The following GLRB variants were observed in gnomAD, a reference collection of about 807,000 sequenced individuals.
GLRB encodes glycine receptor beta, also known as glycine receptor subunit beta.
Under a neutral mutation model 54.2 loss-of-function variants are expected in GLRB, and 33 were observed. That is an observed-to-expected ratio of 0.61 (90% CI 0.46 to 0.81). GLRB has a LOEUF of 0.81. Among genes scored for constraint, GLRB ranks in the 40% least tolerant of loss-of-function variants. The probability of loss-of-function intolerance (pLI) is 0.00; values close to 1 mark genes in which losing one functional copy is unlikely to be tolerated. For synonymous variants in GLRB, 209 were observed against 208.2 expected (o/e 1.00, Z -0.03); for missense variants, 572 against 584.6 (o/e 0.98, Z 0.22).
chr4:157,088,644 A>C lies in GLRB; in HGVS notation c.122+10498A>C, dbSNP rs527774230. Among the ~76,000 whole-genome samples, 232 of 152,238 alleles carry C rather than the reference A, an allele frequency of 1.5e-3. 1 individual carries two copies. Among genetic ancestry groups the C allele is most frequent in the African/African-American group, 5.3e-3 (220 of 41,554 alleles). On this transcript the variant is annotated intron_variant, in intron 2 of 9. Coordinates refer to ENST00000264428, the MANE Select transcript of GLRB (RefSeq NM_000824.5). The stretch of plus-strand genomic sequence containing the variant: ...TCGGTCTTTCTTGATTTTCATTCTA[A>C]AGCTACCTGAGGCATCATCCTTCCT...
intron 2 of GLRB, among the ~76,000 whole-genome samples, chr4:157,079,284 A>C (rs538510066): frequency 1.3e-5 from 2 of 152,180 alleles, no homozygotes; most frequent in Admixed American, 1.3e-4. Flanking sequence ...ATCATAGATA[A>C]CATTTTATTC....
At position 157,091,688 on chromosome 4, in the gene GLRB, G is replaced by A. The variant is rs546678156; in HGVS notation, c.122+13542G>A. The stretch of plus-strand genomic sequence containing the variant: ...ATAGTGTCAACGTGAGTGATGCTCA[G>A]TGTATATCCAATCACTTACTTCGTT... On this transcript the variant is annotated intron_variant, in intron 2 of 9. Transcript: ENST00000264428. 4.6e-5 allele frequency among the ~76,000 whole-genome samples: 7 copies of A among 152,260 alleles called. No individual in the cohort carries two copies. The South Asian group carries it at 1.5e-3, about 32-fold the overall frequency.
At chr4:157,168,824 AAATATAACATC>A (rs1238723872) in intron 9 of GLRB, among the ~76,000 whole-genome samples, 1 of 152,164 alleles carries the variant, frequency 6.6e-6, no homozygotes, top group African/African-American at 2.4e-5. Context: ...CTAGCTTAAG[AAATATAACATC>A]AATATATGCT....
At chr4:157,123,836 A>C (rs1735920190) in intron 4 of GLRB, among the ~76,000 whole-genome samples, 1 of 151,736 alleles carries the variant, frequency 6.6e-6, no homozygotes, top group South Asian at 2.1e-4. Context: ...CACAGCTATG[A>C]AGATATTGCG....
chr4:157,135,511 G>GT (rs1473592865), intron 4 of GLRB, among the ~76,000 whole-genome samples: 3 of 152,006 alleles, frequency 2.0e-5, no homozygotes, highest in Non-Finnish European at 4.4e-5. Flanking sequence ...AGATCTCATG[G>GT]TTTTATAAAG....
intron 8 of GLRB, among the ~76,000 whole-genome samples, chr4:157,150,946 T>C (rs922668275): frequency 6.6e-6 from 1 of 152,098 alleles, no homozygotes; most frequent in South Asian, 2.1e-4. Flanking sequence ...TTAAGTATTC[T>C]TTTGATAATG....
intron 8 of GLRB, among the ~76,000 whole-genome samples, chr4:157,146,144 A>G (rs7673979): frequency 0.052 from 7,838 of 151,514 alleles, 326 homozygotes; most frequent in African/African-American, 0.12. Flanking sequence ...AGCCTCCCGA[A>G]TAGCTGGGAT....
chr4:157,109,777 A>C (rs1368001924), intron 2 of GLRB, among the ~76,000 whole-genome samples: 1 of 152,006 alleles, frequency 6.6e-6, no homozygotes, highest in African/African-American at 2.4e-5. Flanking sequence ...AGCTCAGGAA[A>C]ACACTTCACT....
chr4:157,120,189 C>T (rs1735756286), intron 2 of GLRB, among the ~76,000 whole-genome samples: 1 of 127,224 alleles, frequency 7.9e-6, no homozygotes, highest in Admixed American at 1.1e-4. Context: ...ACAATGAGAA[C>T]ATATGGACAC....
chr4:157,130,550 A>G (rs1736176803), intron 4 of GLRB, among the ~76,000 whole-genome samples: 2 of 151,636 alleles, frequency 1.3e-5, no homozygotes, highest in Non-Finnish European at 3.0e-5. Flanking sequence ...AGGTTCATGC[A>G]TGCTGTAACA....
chr4:157,168,440 C>T (rs770223267), intron 9 of GLRB, among the ~76,000 whole-genome samples: 184 of 152,138 alleles, frequency 1.2e-3, no homozygotes, highest in Non-Finnish European at 1.9e-3. Flanking sequence ...ACTTCTGTCA[C>T]TTCTGAAAAT....
intron 2 of GLRB, among the ~76,000 whole-genome samples, chr4:157,101,797 G>GTTTTT (rs77992858): frequency 2.6e-5 from 1 of 38,002 alleles, no homozygotes; most frequent in Non-Finnish European, 5.3e-5. Flanking sequence ...AGTCAAACTT[G>GTTTTT]TTTTTTTTTT....
intron 2 of GLRB, among the ~76,000 whole-genome samples, chr4:157,097,180 T>C (rs1367520039): frequency 6.6e-6 from 1 of 152,212 alleles, no homozygotes; most frequent in African/African-American, 2.4e-5. Flanking sequence ...AAATCATATA[T>C]TGATAATTTT....
chr4:157,159,637 A>G (rs1392549111), intron 9 of GLRB, among the ~76,000 whole-genome samples: 1 of 152,184 alleles, frequency 6.6e-6, no homozygotes, highest in Non-Finnish European at 1.5e-5. Flanking sequence ...GGTTACATTT[A>G]TTGATTTGCA....
chr4:157,085,384 G>A (rs1734371341), intron 2 of GLRB, among the ~76,000 whole-genome samples: 11 of 152,054 alleles, frequency 7.2e-5, no homozygotes, highest in Admixed American at 7.2e-4. Context: ...GAGATTCCAG[G>A]CATGAGCCAC....
intron 9 of GLRB, among the ~76,000 whole-genome samples, chr4:157,160,417 G>T (rs930833113): frequency 3.9e-5 from 6 of 152,006 alleles, no homozygotes; most frequent in African/African-American, 1.5e-4. Flanking sequence ...TCTTTTAACT[G>T]TGATGTTAGG....
intron 4 of GLRB, among the ~76,000 whole-genome samples, chr4:157,132,556 G>C (rs1161741260): frequency 6.6e-6 from 1 of 151,638 alleles, no homozygotes; most frequent in Non-Finnish European, 1.5e-5. Flanking sequence ...CCTGATCGCT[G>C]GTGTCTGATG....
chr4:157,128,733 G>C (rs970155538), intron 4 of GLRB, among the ~76,000 whole-genome samples: 4 of 151,742 alleles, frequency 2.6e-5, no homozygotes, highest in African/African-American at 7.3e-5. Context: ...CTTGAAAAAT[G>C]ATATATTGAG....
At chr4:157,118,322 A>G (rs908028997) in intron 2 of GLRB, among the ~76,000 whole-genome samples, 1 of 151,684 alleles carries the variant, frequency 6.6e-6, no homozygotes, top group Admixed American at 6.6e-5. Context: ...TTGAATGAGA[A>G]AACTTGTAGA....
Sources: gnomAD v4.1 joint callset for allele counts (sites outside exome capture counted in the v4.1 genomes callset) on GRCh38, gnomAD v4.1.1 for gene constraint, MANE v1.5 for transcripts, NCBI Gene and HGNC (gene_info 2026-07-23, HGNC 2026-07-21) for gene names.